Variants in FAM178B observed in about 807,000 individuals in gnomAD.
FAM178B encodes the protein family with sequence similarity 178 member B.
In FAM178B, 82 loss-of-function variants were observed where a neutral mutation model predicts 91.7. The ratio of observed to expected loss-of-function variants is 0.89; its 90% confidence interval spans 0.75 to 1.07. The LOEUF is 1.07. Among genes scored for constraint, FAM178B ranks in the 50% least tolerant of loss-of-function variants. FAM178B has a pLI of 0.00. For synonymous variants in FAM178B, 368 were observed against 359.4 expected (o/e 1.02, Z -0.27); for missense variants, 769 against 846.7 (o/e 0.91, Z 1.14).
chr2:96,923,422 T>C, intron 10 of FAM178B, 68 bp downstream of exon 10: 1 of 1,235,768 alleles, frequency 8.1e-7, no homozygotes, highest in Non-Finnish European at 1.2e-6. Flanking sequence ...GCTCCTGGAA[T>C]TTAGCTGCTG....
At chr2:96,900,520 A>G (rs542556846) in intron 13 of FAM178B, among the ~76,000 whole-genome samples, 1 of 152,160 alleles carries the variant, frequency 6.6e-6, no homozygotes, top group South Asian at 2.1e-4. Flanking sequence ...GCTTGGGGGT[A>G]GGGGATGGAA....
intron 8 of FAM178B, among the ~76,000 whole-genome samples, chr2:96,943,256 T>A (rs1019278477): frequency 6.6e-6 from 1 of 152,158 alleles, no homozygotes; most frequent in Non-Finnish European, 1.5e-5. Flanking sequence ...AAAAGAGACC[T>A]CTTACCCATC....
intron 3 of FAM178B, among the ~76,000 whole-genome samples, chr2:96,971,662 C>T (rs1324372985): frequency 2.0e-5 from 3 of 152,162 alleles, no homozygotes; most frequent in Non-Finnish European, 4.4e-5. Flanking sequence ...TTGTTGCCAC[C>T]CAAAGCCATT....
intron 5 of FAM178B, among the ~76,000 whole-genome samples, chr2:96,965,272 C>T (rs2082129487): frequency 1.3e-5 from 2 of 151,818 alleles, no homozygotes; most frequent in South Asian, 2.1e-4. Flanking sequence ...CCTCCCAAAG[C>T]GCTGGGATTA....
At chr2:96,879,835 G>A (rs1158305260) in intron 14 of FAM178B, among the ~76,000 whole-genome samples, 5 of 152,238 alleles carry the variant, frequency 3.3e-5, no homozygotes, top group South Asian at 2.1e-4. Flanking sequence ...TCCCTGCAGC[G>A]GCCTGTGGAC....
intron 9 of FAM178B, among the ~76,000 whole-genome samples, chr2:96,927,073 C>T (rs540539761): frequency 2.0e-5 from 3 of 152,294 alleles, no homozygotes; most frequent in African/African-American, 7.2e-5. Context: ...AGATAGCCTG[C>T]CGTGGGGTTT....
At chr2:96,930,919 TG>T (rs948723862) in intron 8 of FAM178B, among the ~76,000 whole-genome samples, 5 of 152,260 alleles carry the variant, frequency 3.3e-5, no homozygotes, top group South Asian at 2.1e-4. Context: ...ACCTCCTCTT[TG>T]GGGCAGAGAG....
chr2:96,961,400 G>A lies in FAM178B; in HGVS notation c.735-960C>T, dbSNP rs1016115892. ...ACAGACATGCTCAGACACGTGCAAC[G>A]CCCACCCCCAGCATATGACATATCC... On this transcript the variant is annotated intron_variant, in intron 5 of 16. Transcript: ENST00000490605. Among the ~76,000 whole-genome samples, 4 of 151,806 alleles carry A rather than the reference G, an allele frequency of 2.6e-5. No individual in the cohort carries two copies. The East Asian group carries it at 5.8e-4, about 22-fold the overall frequency.
Position 96,876,127 on chromosome 2 carries a change from TC to T in FAM178B, c.*148del. 1 of 720,864 alleles carries T rather than the reference TC, an allele frequency of 1.4e-6. No homozygotes were observed. 44.7% of individuals were successfully genotyped at this position (720,864 alleles called of 1,614,324 possible). ...CAGGCTCTTGCAGAGAGGAGAGGGGTCGGGGCGGTGGCAGGGGCAGGCTCTT... is the reference window on the plus strand; with the variant it reads ...CAGGCTCTTGCAGAGAGGAGAGGGGTGGGGCGGTGGCAGGGGCAGGCTCTT... On this transcript the variant is annotated 3_prime_UTR_variant, in exon 17 of 17. Coordinates refer to ENST00000490605, the MANE Select transcript of FAM178B (RefSeq NM_001122646.3).
At position 96,986,274 on chromosome 2, in the gene FAM178B, G is replaced by A. The variant is rs1271734727; in HGVS notation, c.40C>T (p.Leu14Phe). ...RLPGAGLAPQ[L>F]RRQDQRLHFT... ...TGGAGCCGCTGATCCTGCCTCCTGAGTTGTGGAGCGAGGCCCGCACCTGGA... is the reference window on the plus strand; with the variant it reads ...TGGAGCCGCTGATCCTGCCTCCTGAATTGTGGAGCGAGGCCCGCACCTGGA... The change falls in exon 1 of 17, where the codon CTC (leucine) becomes TTC (phenylalanine). Residue 14 changes from leucine (L) to phenylalanine (F), a missense_variant. Transcript: ENST00000490605. 3.9e-6 allele frequency: 6 copies of A among 1,534,502 alleles called. 1 individual carries two copies. The Admixed American group carries it at 1.2e-4, about 30-fold the overall frequency.
At chr2:96,927,583 G>A (rs763827538) in intron 9 of FAM178B, among the ~76,000 whole-genome samples, 3 of 152,204 alleles carry the variant, frequency 2.0e-5, no homozygotes, top group African/African-American at 4.8e-5. Flanking sequence ...TCTGCGTGCC[G>A]GGGTTTGTGT....
chr2:96,937,944 C>T (rs905930210), intron 8 of FAM178B, among the ~76,000 whole-genome samples: 2 of 152,154 alleles, frequency 1.3e-5, no homozygotes, highest in African/African-American at 4.8e-5. Context: ...AGGAGGATCA[C>T]CTGAGCCCGA....
intron 12 of FAM178B, among the ~76,000 whole-genome samples, chr2:96,918,611 A>G (rs959224630): frequency 3.9e-5 from 6 of 152,232 alleles, no homozygotes; most frequent in African/African-American, 1.4e-4. Context: ...ATTTCACATC[A>G]AGGAATTTAT....
At chr2:96,888,985 G>A (rs1041433249) in intron 14 of FAM178B, among the ~76,000 whole-genome samples, 2 of 152,202 alleles carry the variant, frequency 1.3e-5, no homozygotes, top group African/African-American at 4.8e-5. Flanking sequence ...GGGACCTTAA[G>A]TGGTGTGCAC....
At chr2:96,966,388 C>G (rs932559449) in intron 5 of FAM178B, among the ~76,000 whole-genome samples, 4 of 152,164 alleles carry the variant, frequency 2.6e-5, no homozygotes, top group Non-Finnish European at 5.9e-5. Context: ...TCATCAGAGC[C>G]CACACCTTTC....
chr2:96,921,199 C>G lies in FAM178B; in HGVS notation c.1528G>C (p.Val510Leu), dbSNP rs560459151. ...SDHHHNLLAL[V>L]QFFPDMTSRS... Reference sequence around the variant, plus strand: ...GAGGTCATGTCTGGGAAGAACTGCACGAGGGCCAGCAGGTTGTGGTGGTGG... The same window carrying G: ...GAGGTCATGTCTGGGAAGAACTGCAGGAGGGCCAGCAGGTTGTGGTGGTGG... The change falls in exon 12 of 17, where the codon GTG (valine) becomes CTG (leucine). Residue 510 changes from valine (V) to leucine (L), a missense_variant. Coordinates refer to ENST00000490605, the MANE Select transcript of FAM178B (RefSeq NM_001122646.3). 1.3e-6 allele frequency: 2 copies of G among 1,551,506 alleles called. No homozygotes were observed. Among genetic ancestry groups the G allele is most frequent in the South Asian group, 2.4e-5 (2 of 84,052 alleles).
intron 7 of FAM178B, among the ~76,000 whole-genome samples, chr2:96,950,265 G>A (rs2081903353): frequency 6.6e-6 from 1 of 152,202 alleles, no homozygotes; most frequent in African/African-American, 2.4e-5. Context: ...CCGCCAGCGT[G>A]GGGAATAATG....
At chr2:96,878,973 G>A (rs977409914) in intron 14 of FAM178B, among the ~76,000 whole-genome samples, 5 of 152,314 alleles carry the variant, frequency 3.3e-5, no homozygotes, top group East Asian at 1.9e-4. Flanking sequence ...TTGGCTGAGC[G>A]TCTGCACATC....
Position 96,923,373 on chromosome 2 carries a change from C to T in FAM178B, c.1287+117G>A, listed in dbSNP as rs138094342. The T allele has an allele frequency of 4.3e-4, 333 of 768,176 alleles. No individual in the cohort carries two copies. The African/African-American group carries it at 4.8e-3, about 11-fold the overall frequency. 47.6% of individuals were successfully genotyped at this position (768,176 alleles called of 1,614,324 possible). A position where few individuals can be genotyped will look rare whatever the true frequency, so the allele number is the denominator to read the frequency against. ...CATCCGGCCCACAGCCAGCACAGTG[C>T]CTGCCATGGTGCTGAGCTCGCCGGA... On this transcript the variant is annotated intron_variant, in intron 10 of 16. Transcript: ENST00000490605.
Sources: allele counts gnomAD v4.1 joint callset (sites outside exome capture counted in the v4.1 genomes callset), GRCh38; gene constraint gnomAD v4.1.1; transcripts MANE v1.5; gene names NCBI Gene and HGNC (gene_info 2026-07-23, HGNC 2026-07-21).